The following IGSF21 variants were observed in gnomAD, a reference collection of about 807,000 sequenced individuals.
IGSF21 encodes the protein immunoglobin superfamily member 21.
Under a neutral mutation model 46.8 loss-of-function variants are expected in IGSF21, and 28 were observed. That is an observed-to-expected ratio of 0.60 (90% CI 0.44 to 0.82). The LOEUF (loss-of-function observed/expected upper bound fraction) is 0.82, where lower values mean the gene tolerates loss of function less well. Ranked by LOEUF, IGSF21 falls within the 40% of genes least tolerant of loss-of-function variation. The pLI is 0.00. For missense variants in IGSF21, 624 were observed against 665.5 expected (o/e 0.94, Z 0.69); for synonymous variants, 284 against 273.6 (o/e 1.04, Z -0.38).
In IGSF21 at chr1:18,224,833, G is replaced by A. The variant is rs1241857791; in HGVS notation, c.71-3065G>A. Among the ~76,000 whole-genome samples, 5 of 152,142 alleles carry A rather than the reference G, an allele frequency of 3.3e-5. No homozygotes were observed. The East Asian group carries it at 9.7e-4, about 30-fold the overall frequency. ...TAATTCTAGCACTTTGGGAGGCCCA[G>A]GCGGGTGGATCACTTGAGGTCAGGA... On this transcript the variant is annotated intron_variant, in intron 1 of 9. Coordinates refer to ENST00000251296, the MANE Select transcript of IGSF21 (RefSeq NM_032880.5).
intron 3 of IGSF21, among the ~76,000 whole-genome samples, chr1:18,295,722 G>C (rs1415723550): frequency 6.6e-6 from 1 of 152,210 alleles, no homozygotes; most frequent in Non-Finnish European, 1.5e-5. Context: ...CATCCTTGGT[G>C]CTTCCACAGG....
intron 1 of IGSF21, among the ~76,000 whole-genome samples, chr1:18,202,297 G>A (rs2087083485): frequency 1.3e-5 from 2 of 152,146 alleles, no homozygotes; most frequent in South Asian, 4.1e-4. Context: ...ACAGGAGGAC[G>A]GCTCAAGGCA....
chr1:18,238,432 TAAG>T (rs938385603), intron 2 of IGSF21, among the ~76,000 whole-genome samples: 1 of 152,146 alleles, frequency 6.6e-6, no homozygotes, highest in African/African-American at 2.4e-5. Context: ...GAAGAGGAGA[TAAG>T]AAGCAGGGTG....
chr1:18,327,462 G>C (rs918599202), intron 3 of IGSF21, among the ~76,000 whole-genome samples: 4 of 152,188 alleles, frequency 2.6e-5, no homozygotes, highest in African/African-American at 9.7e-5. Context: ...GGCCTTTGAG[G>C]CTCTGTTTTA....
intron 1 of IGSF21, among the ~76,000 whole-genome samples, chr1:18,224,980 G>A (rs2084546771): frequency 6.6e-6 from 1 of 151,792 alleles, no homozygotes; most frequent in African/African-American, 2.4e-5. Context: ...CAGGAGAATT[G>A]CCTGAACCCG....
At chr1:18,359,462 GGGAAGGAAGGAA>G (rs200525577) in intron 4 of IGSF21, among the ~76,000 whole-genome samples, 4,270 of 74,776 alleles carry the variant, frequency 0.057, 222 homozygotes, top group East Asian at 0.31. Context: ...AAGAAAGAAA[GGGAAGGAAGGAA>G]GGAAGGAAGG....
chr1:18,322,965 G>T lies in IGSF21; in HGVS notation c.306-11927G>T, dbSNP rs543380526. Among the ~76,000 whole-genome samples, 5 of 152,288 alleles carry T rather than the reference G, an allele frequency of 3.3e-5. No homozygotes were observed. Among genetic ancestry groups the T allele is most frequent in the Non-Finnish European group, 5.9e-5 (4 of 68,022 alleles). Reference sequence around the variant, plus strand: ...ATGGAGGGTGGGAATGGGGAAGCGGGTTCAGGGCCCAAGGTGAACAGCAGT... The same window carrying T: ...ATGGAGGGTGGGAATGGGGAAGCGGTTTCAGGGCCCAAGGTGAACAGCAGT... On this transcript the variant is annotated intron_variant, in intron 3 of 9. Transcript: ENST00000251296. This position sits in a 1 kb window ranked among gnomAD's most constrained non-coding sequence, Gnocchi z 4.3.
chr1:18,254,761 A>T (rs1185658951), intron 2 of IGSF21, among the ~76,000 whole-genome samples: 1 of 152,162 alleles, frequency 6.6e-6, no homozygotes, highest in East Asian at 1.9e-4. Context: ...GCTCTGTTCC[A>T]CTTCTGGAAT....
intron 3 of IGSF21, among the ~76,000 whole-genome samples, chr1:18,313,680 T>C (rs2355876): frequency 1.3e-5 from 2 of 152,072 alleles, no homozygotes; most frequent in Non-Finnish European, 2.9e-5. Context: ...GCTCTCCATC[T>C]CCACCTGGAT....
At chr1:18,338,590 A>G (rs1434583626) in intron 4 of IGSF21, among the ~76,000 whole-genome samples, 1 of 152,152 alleles carries the variant, frequency 6.6e-6, no homozygotes, top group Non-Finnish European at 1.5e-5. Flanking sequence ...CCAGCACCCC[A>G]GTCTACCATC....
intron 2 of IGSF21, among the ~76,000 whole-genome samples, chr1:18,266,303 A>G (rs1394725904): frequency 3.3e-5 from 5 of 152,218 alleles, no homozygotes; most frequent in Admixed American, 6.5e-5. Context: ...GGAGCTGATC[A>G]CAGGCAGTTG....
At chr1:18,349,907 A>AACG (rs2085933684) in intron 4 of IGSF21, among the ~76,000 whole-genome samples, 4 of 138,584 alleles carry the variant, frequency 2.9e-5, no homozygotes, top group Non-Finnish European at 6.5e-5. Flanking sequence ...AAAAAAAACC[A>AACG]CTAAATTACA....
Position 18,291,968 on chromosome 1 carries a change from G to C in IGSF21, c.286G>C (p.Val96Leu), listed in dbSNP as rs776057703. ...GAACTACCGCAAGCGAGAGGACCTG[G>C]TGTACCAGTCCACTGTGAGGTGAGT... ...MENYRKREDLVYQSTVRLPEV... is the reference protein window; with the variant it reads ...MENYRKREDLLYQSTVRLPEV... Residue 96 changes from valine to leucine, a missense_variant, in exon 3 of 10, where the codon GTG becomes CTG. Val to Leu is a conservative substitution (Grantham distance 32, BLOSUM62 1). Transcript: ENST00000251296. The C allele has an allele frequency of 5.0e-6, 8 of 1,613,900 alleles. No homozygotes were observed. Among genetic ancestry groups the C allele is most frequent in the South Asian group, 1.1e-5 (1 of 91,058 alleles).
intron 1 of IGSF21, among the ~76,000 whole-genome samples, chr1:18,182,929 G>A (rs375459994): frequency 7.2e-5 from 11 of 152,110 alleles, no homozygotes; most frequent in Admixed American, 4.6e-4. Flanking sequence ...TGAATCACAC[G>A]AGGCCTGGTG....
At chr1:18,341,595 A>G (rs778913841) in intron 4 of IGSF21, among the ~76,000 whole-genome samples, 5 of 152,194 alleles carry the variant, frequency 3.3e-5, no homozygotes, top group Non-Finnish European at 5.9e-5. Context: ...CTGAACACTC[A>G]CAAAAGCTCT....
At chr1:18,260,059 G>T (rs2084932092) in intron 2 of IGSF21, among the ~76,000 whole-genome samples, 1 of 152,232 alleles carries the variant, frequency 6.6e-6, no homozygotes, top group South Asian at 2.1e-4. Context: ...GTTTGGAGAG[G>T]CAGTAGATTT....
At chr1:18,313,016 T>C (rs2085503516) in intron 3 of IGSF21, among the ~76,000 whole-genome samples, 1 of 152,182 alleles carries the variant, frequency 6.6e-6, no homozygotes, top group Admixed American at 6.5e-5. Flanking sequence ...TGGCCTGAGT[T>C]CCTGAAGGGC....
Position 18,336,123 on chromosome 1 carries a change from C to T in IGSF21, c.424+1113C>T, listed in dbSNP as rs529070375. On this transcript the variant is annotated intron_variant, in intron 4 of 9. Transcript: ENST00000251296. ...TTATGCATCACAATGTACTGAGCACCTACCTATGAGGTGGCCGGGAATGGA... is the reference window on the plus strand; with the variant it reads ...TTATGCATCACAATGTACTGAGCACTTACCTATGAGGTGGCCGGGAATGGA... Among the ~76,000 whole-genome samples the T allele has an allele frequency of 3.3e-5, 5 of 152,298 alleles. No individual in the cohort carries two copies. In the South Asian group the frequency reaches 8.3e-4, roughly 25 times the overall value.
chr1:18,328,609 C>A (rs942266880), intron 3 of IGSF21, among the ~76,000 whole-genome samples: 4 of 152,194 alleles, frequency 2.6e-5, no homozygotes, highest in Admixed American at 2.6e-4. Context: ...CATCAATTAA[C>A]AGTGTAAGGA....
Sources: gnomAD v4.1 joint callset for allele counts (sites outside exome capture counted in the v4.1 genomes callset) on GRCh38, gnomAD v4.1.1 for gene constraint, Gnocchi (gnomAD v3.1) non-coding constraint, MANE v1.5 for transcripts, NCBI Gene and HGNC (gene_info 2026-07-23, HGNC 2026-07-21) for gene names.